The following PARD3 variants were observed in gnomAD, a reference collection of about 807,000 sequenced individuals.
The protein encoded by PARD3 is partitioning defective 3 homolog.
A neutral mutation model predicts 155.4 loss-of-function variants in PARD3; 75 were observed. That is an observed-to-expected ratio of 0.48 (90% CI 0.40 to 0.58). PARD3 has a LOEUF of 0.58. Among genes scored for constraint, PARD3 ranks in the 20% least tolerant of loss-of-function variants. PARD3 has a pLI of 0.00. For synonymous variants in PARD3, 576 were observed against 610.5 expected (o/e 0.94, Z 0.83); for missense variants, 1,642 against 1,721.7 (o/e 0.95, Z 0.82).
At chr10:34,699,928 C>A (rs2094242783) in intron 1 of PARD3, among the ~76,000 whole-genome samples, 1 of 152,148 alleles carries the variant, frequency 6.6e-6, no homozygotes, top group Admixed American at 6.5e-5. Context: ...CCAATAAATT[C>A]TAATTCTACA....
intron 23 of PARD3, among the ~76,000 whole-genome samples, chr10:34,121,298 T>C (rs912846765): frequency 6.6e-6 from 1 of 152,180 alleles, no homozygotes; most frequent in Admixed American, 6.5e-5. Flanking sequence ...ATGGTGCCTC[T>C]ACATTTATGA....
intron 2 of PARD3, among the ~76,000 whole-genome samples, chr10:34,622,225 A>G (rs543961735): frequency 2.0e-5 from 3 of 152,256 alleles, no homozygotes; most frequent in African/African-American, 7.2e-5. Flanking sequence ...TTCCAGGAAC[A>G]TAAGTCCAAG....
chr10:34,313,614 A>G (rs1957822144), intron 20 of PARD3, among the ~76,000 whole-genome samples: 1 of 152,212 alleles, frequency 6.6e-6, no homozygotes, highest in Non-Finnish European at 1.5e-5. Flanking sequence ...GTATATGCCA[A>G]TGACTAAAAA....
intron 22 of PARD3, among the ~76,000 whole-genome samples, chr10:34,166,040 T>C (rs1172491821): frequency 6.6e-6 from 1 of 152,246 alleles, no homozygotes; most frequent in African/African-American, 2.4e-5. Flanking sequence ...CAGTCACTTG[T>C]TTCTTTCTTT....
chr10:34,711,215 T>C (rs2094445313), intron 1 of PARD3, among the ~76,000 whole-genome samples: 1 of 151,450 alleles, frequency 6.6e-6, no homozygotes, highest in Admixed American at 6.6e-5. Context: ...TGAAATGTGC[T>C]CCAACTCTGA....
At chr10:34,651,873 A>C (rs1429660738) in intron 2 of PARD3, among the ~76,000 whole-genome samples, 4 of 152,188 alleles carry the variant, frequency 2.6e-5, no homozygotes, top group African/African-American at 9.7e-5. Context: ...TGTACCATAC[A>C]ATCACCCTCC....
At chr10:34,389,729 C>G (rs7072267) in intron 7 of PARD3, among the ~76,000 whole-genome samples, 1 of 151,622 alleles carries the variant, frequency 6.6e-6, no homozygotes, top group Admixed American at 6.6e-5. Flanking sequence ...CCATGGGGGG[C>G]CAGCAACTAC....
intron 2 of PARD3, among the ~76,000 whole-genome samples, chr10:34,581,771 G>A: frequency 6.6e-6 from 1 of 152,144 alleles, no homozygotes; most frequent in East Asian, 1.9e-4. Flanking sequence ...CACAGTGCTG[G>A]AGGGGCTGTG....
chr10:34,163,571 T>C (rs1949384051), intron 22 of PARD3, among the ~76,000 whole-genome samples: 1 of 152,216 alleles, frequency 6.6e-6, no homozygotes, highest in East Asian at 1.9e-4. Context: ...TGGGAACCAC[T>C]AGCAAACTTT....
At chr10:34,607,490 G>C (rs1230716704) in intron 2 of PARD3, among the ~76,000 whole-genome samples, 1 of 152,148 alleles carries the variant, frequency 6.6e-6, no homozygotes, top group Admixed American at 6.5e-5. Flanking sequence ...TGCAAATGTA[G>C]AATGAATGGA....
chr10:34,618,209 A>G (rs16935586), intron 2 of PARD3, among the ~76,000 whole-genome samples: 3,334 of 152,280 alleles, frequency 0.022, 128 homozygotes, highest in African/African-American at 0.076. Flanking sequence ...GTGTTCAACG[A>G]TTTTCCATTA....
intron 1 of PARD3, among the ~76,000 whole-genome samples, chr10:34,769,866 TACAC>T (rs66728770): frequency 1.3e-5 from 2 of 150,630 alleles, no homozygotes; most frequent in African/African-American, 2.4e-5. Flanking sequence ...CTCAAATTCA[TACAC>T]ACACACACAC....
intron 1 of PARD3, among the ~76,000 whole-genome samples, chr10:34,796,199 A>AGC (rs1290783944): frequency 6.6e-6 from 1 of 152,186 alleles, no homozygotes; most frequent in Non-Finnish European, 1.5e-5. Flanking sequence ...GTCCCAGCTG[A>AGC]GCCCAACATT....
At chr10:34,359,913 G>C (rs538237757) in intron 13 of PARD3, among the ~76,000 whole-genome samples, 158 bp downstream of exon 13, 1 of 152,182 alleles carries the variant, frequency 6.6e-6, no homozygotes, top group Middle Eastern at 3.2e-3. Flanking sequence ...CCATCCCCAC[G>C]TGACACATCA....
intron 1 of PARD3, among the ~76,000 whole-genome samples, chr10:34,790,409 G>T (rs1047903582): frequency 7.2e-5 from 11 of 152,166 alleles, no homozygotes; most frequent in African/African-American, 2.4e-4. Flanking sequence ...AGCCACAGCA[G>T]AGTAACTGAA....
rs182187853 is a variant in PARD3, at chr10:34,795,674, C to G, written c.120+19202G>C. On this transcript the variant is annotated intron_variant, in intron 1 of 24. Transcript: ENST00000374788. ...AGCACTTTGGCCAAGGTGGGCGGAT[C>G]ACCTGAGGTAGGGAGTTCAAGACCA... Among the ~76,000 whole-genome samples the G allele has an allele frequency of 9.8e-4, 149 of 152,006 alleles. 2 individuals carry two copies. In the South Asian group the frequency reaches 0.02, roughly 20 times the overall value.
chr10:34,159,775 T>C (rs1949186631), intron 22 of PARD3, among the ~76,000 whole-genome samples: 1 of 152,236 alleles, frequency 6.6e-6, no homozygotes, highest in South Asian at 2.1e-4. Context: ...AGTTCTATTA[T>C]GCCCATTTTA....
chr10:34,529,196 T>G (rs2082672484), intron 2 of PARD3, among the ~76,000 whole-genome samples: 2 of 152,154 alleles, frequency 1.3e-5, no homozygotes, highest in Non-Finnish European at 2.9e-5. Flanking sequence ...TAGGTACAAT[T>G]GAAGCCACAG....
At chr10:34,700,739 A>G (rs2094259059) in intron 1 of PARD3, among the ~76,000 whole-genome samples, 1 of 152,152 alleles carries the variant, frequency 6.6e-6, no homozygotes, top group African/African-American at 2.4e-5. Flanking sequence ...TGGGAGGCTG[A>G]GGCAGGTGGG....
Sources: allele counts gnomAD v4.1 joint callset (sites outside exome capture counted in the v4.1 genomes callset), GRCh38; gene constraint gnomAD v4.1.1; transcripts MANE v1.5; gene names NCBI Gene and HGNC (gene_info 2026-07-23, HGNC 2026-07-21).